Variants in CDC73 observed in about 807,000 individuals in gnomAD.
CDC73 encodes the protein cell division cycle 73, also known as parafibromin.
In CDC73, 21 loss-of-function variants were observed where a neutral mutation model predicts 83.7. The ratio of observed to expected loss-of-function variants is 0.25; its 90% confidence interval spans 0.18 to 0.36. The LOEUF is 0.36. Ranked by LOEUF, CDC73 falls within the 10% of genes least tolerant of loss-of-function variation. The pLI, the probability that CDC73 is intolerant of heterozygous loss-of-function variation, is 1.00. For missense variants in CDC73, 342 were observed against 653.3 expected (o/e 0.52, Z 5.19); for synonymous variants, 224 against 212.9 (o/e 1.05, Z -0.45).
intron 11 of CDC73, among the ~76,000 whole-genome samples, chr1:193,209,395 A>G (rs543081992): frequency 1.4e-3 from 212 of 152,342 alleles, no homozygotes; most frequent in African/African-American, 5.0e-3. Flanking sequence ...TTCTCACAGC[A>G]GTATCAAGAT....
At chr1:193,249,701 A>AT (rs1678014472) in intron 15 of CDC73, 29 bp from the exon 16 acceptor site, 2 of 1,578,084 alleles carry the variant, frequency 1.3e-6, no homozygotes, top group Non-Finnish European at 8.7e-7. Context: ...TTGAGTAAAA[A>AT]TGATAACTTC....
At chr1:193,225,770 C>A (rs1677556800) in intron 13 of CDC73, among the ~76,000 whole-genome samples, 1 of 151,396 alleles carries the variant, frequency 6.6e-6, no homozygotes, top group African/African-American at 2.4e-5. Flanking sequence ...TTTTTTCTTG[C>A]TAATTTGAGT....
intron 10 of CDC73, chr1:193,181,447 A>G (rs764953880): frequency 1.4e-5 from 23 of 1,614,088 alleles, no homozygotes; most frequent in Non-Finnish European, 1.8e-5. Flanking sequence ...AAACAAAAAC[A>G]TAGCAAAAAG....
chr1:193,249,716 C>T lies in CDC73; in HGVS notation c.1418-14C>T, dbSNP rs1475097297. The T allele has an allele frequency of 1.9e-6, 3 of 1,598,856 alleles. No individual in the cohort carries two copies. Among genetic ancestry groups the T allele is most frequent in the Non-Finnish European group, 2.6e-6 (3 of 1,167,072 alleles). ...TTGAGTAAAAATGATAACTTCTCTC[C>T]ACCCTCTCTATAGTTAAAGCCTTCC... is the stretch of plus-strand genomic sequence containing the variant. On this transcript the variant is annotated splice_polypyrimidine_tract_variant and intron_variant, in intron 15 of 16. Coordinates refer to ENST00000367435, the MANE Select transcript of CDC73 (RefSeq NM_024529.5).
At chr1:193,150,282 C>CGG in intron 8 of CDC73, 22 bp from the exon 9 acceptor site, 4 of 1,471,758 alleles carry the variant, frequency 2.7e-6, no homozygotes, top group Non-Finnish European at 3.8e-6. Flanking sequence ...TAACAAGTAA[C>CGG]TCATAATTAA....
At chr1:193,185,418 T>G (rs531398867) in intron 10 of CDC73, among the ~76,000 whole-genome samples, 2 of 152,256 alleles carry the variant, frequency 1.3e-5, no homozygotes, top group Non-Finnish European at 2.9e-5. Flanking sequence ...TGCTTTCCTT[T>G]TAGTATCTTC....
At chr1:193,191,630 C>T (rs1676920009) in intron 10 of CDC73, among the ~76,000 whole-genome samples, 2 of 152,242 alleles carry the variant, frequency 1.3e-5, no homozygotes, top group Non-Finnish European at 2.9e-5. Flanking sequence ...AAGTGATCTG[C>T]CCACCTCGTC....
chr1:193,222,995 C>T (rs1432983504), intron 13 of CDC73, among the ~76,000 whole-genome samples: 1 of 152,112 alleles, frequency 6.6e-6, no homozygotes, highest in Non-Finnish European at 1.5e-5. Flanking sequence ...CTATCCATTG[C>T]ACCTTAAACT....
At chr1:193,233,252 G>T in intron 14 of CDC73, 98 bp downstream of exon 14, 1 of 1,105,534 alleles carries the variant, frequency 9.0e-7, no homozygotes, top group Non-Finnish European at 1.4e-6. Context: ...TAAGAGATGG[G>T]GTCTCACTAT....
intron 11 of CDC73, among the ~76,000 whole-genome samples, chr1:193,209,829 G>A (rs141737506): frequency 1.3e-5 from 2 of 151,930 alleles, no homozygotes; most frequent in Non-Finnish European, 1.5e-5. Flanking sequence ...CAGTACTTCA[G>A]TCAGAGATTT....
chr1:193,160,435 A>C (rs1245404795), intron 10 of CDC73, among the ~76,000 whole-genome samples: 1 of 152,120 alleles, frequency 6.6e-6, no homozygotes, highest in Non-Finnish European at 1.5e-5. Flanking sequence ...ACAAAAATTT[A>C]TACTATGAAA....
rs868325052 is a variant in CDC73, at chr1:193,131,621, C to T, written c.307+1378C>T. ...GCCTCTGCCTAAATCTCTGTGACTC[C>T]ATCTTCTACCATTCTTCCTTTGCTC... On this transcript the variant is annotated intron_variant, in intron 3 of 16. Coordinates refer to ENST00000367435, the MANE Select transcript of CDC73 (RefSeq NM_024529.5). Among the ~76,000 whole-genome samples, 8 of 152,190 alleles carry T rather than the reference C, an allele frequency of 5.3e-5. No individual in the cohort carries two copies. In the South Asian group the frequency reaches 1.4e-3, roughly 28 times the overall value.
chr1:193,172,705 T>C (rs1036919871), intron 10 of CDC73, among the ~76,000 whole-genome samples: 1 of 152,192 alleles, frequency 6.6e-6, no homozygotes, highest in Non-Finnish European at 1.5e-5. Flanking sequence ...TACCTGGCAC[T>C]GCATCCTTTT....
In CDC73 at chr1:193,143,457, A is replaced by G. The variant is rs895820208; in HGVS notation, c.729+1391A>G. Among the ~76,000 whole-genome samples, 9 of 152,326 alleles carry G rather than the reference A, an allele frequency of 5.9e-5. 1 individual carries two copies. Among genetic ancestry groups the G allele is most frequent in the African/African-American group, 1.7e-4 (7 of 41,588 alleles). ...TTTTAGACCAAACATTACTTTTTCA[A>G]GTAACTGAAGTGAACAGTTTTCTTT... On this transcript the variant is annotated intron_variant, in intron 7 of 16. Coordinates refer to ENST00000367435, the MANE Select transcript of CDC73 (RefSeq NM_024529.5).
chr1:193,214,685 C>G (rs1349745613), intron 13 of CDC73, among the ~76,000 whole-genome samples: 2 of 152,154 alleles, frequency 1.3e-5, no homozygotes, highest in African/African-American at 4.8e-5. Flanking sequence ...CGCCACTGCA[C>G]TCCAGCCTGG....
chr1:193,212,062 C>T lies in CDC73; in HGVS notation c.1031-3C>T, dbSNP rs770103860. ...GAGTTGTGATTTTTTTTCTTTTTCA[C>T]AGTTTCTCAAGCAAGACCTCCCCCA... On this transcript the variant is annotated splice_polypyrimidine_tract_variant and splice_region_variant and intron_variant, in intron 11 of 16. Transcript: ENST00000367435. 5.7e-6 allele frequency: 9 copies of T among 1,579,818 alleles called. No individual in the cohort carries two copies. The highest frequency in any genetic ancestry group is 3.4e-4 in the Middle Eastern group (2 of 5,890).
intron 2 of CDC73, among the ~76,000 whole-genome samples, chr1:193,127,307 G>GTGTGTGTA (rs1675596397): frequency 6.6e-6 from 1 of 150,982 alleles, no homozygotes; most frequent in Non-Finnish European, 1.5e-5. Flanking sequence ...GTGTGTGTGT[G>GTGTGTGTA]TGTGTGTGTG....
At chr1:193,173,167 C>T (rs1326121174) in intron 10 of CDC73, among the ~76,000 whole-genome samples, 1 of 152,108 alleles carries the variant, frequency 6.6e-6, no homozygotes, top group Non-Finnish European at 1.5e-5. Flanking sequence ...GATCTTTTTC[C>T]TTTAGAGAGG....
At chr1:193,197,775 A>C (rs1463144164) in intron 10 of CDC73, among the ~76,000 whole-genome samples, 2 of 152,030 alleles carry the variant, frequency 1.3e-5, no homozygotes, top group South Asian at 2.1e-4. Flanking sequence ...AAAATAGAAA[A>C]ATTAGCCAGG....
Sources: allele counts gnomAD v4.1 joint callset (sites outside exome capture counted in the v4.1 genomes callset), GRCh38; gene constraint gnomAD v4.1.1; transcripts MANE v1.5; gene names NCBI Gene and HGNC (gene_info 2026-07-23, HGNC 2026-07-21).